Variants in KCNIP4 observed in about 807,000 individuals in gnomAD.
KCNIP4 encodes the protein Kv channel-interacting protein 4.
KCNIP4 carries 12 observed loss-of-function variants against 34.0 expected under a neutral mutation model. The observed-to-expected ratio is 0.35, with a 90% CI of 0.23 to 0.57. KCNIP4 has a LOEUF of 0.57. Ranked by LOEUF, KCNIP4 falls within the 20% of genes least tolerant of loss-of-function variation. The pLI, the probability that KCNIP4 is intolerant of heterozygous loss-of-function variation, is 0.83. For synonymous variants in KCNIP4, 124 were observed against 102.2 expected (o/e 1.21, Z -1.29); for missense variants, 238 against 311.7 (o/e 0.76, Z 1.78).
rs371576499 is a variant in KCNIP4, at chr4:21,613,437, T to A, written c.61+335134A>T. On this transcript the variant is annotated intron_variant, in intron 1 of 8. Coordinates refer to ENST00000382152, the MANE Select transcript of KCNIP4 (RefSeq NM_025221.6). ...CAACAGCCAGCACCAACTGGCCATA[T>A]AAATGAACTACCTTGATCATGAATG... 1.2e-3 allele frequency: 185 copies of A among 152,294 alleles called. 2 individuals carry two copies. The highest frequency in any genetic ancestry group is 4.0e-3 in the African/African-American group (167 of 41,566). 9.4% of individuals were successfully genotyped at this position (152,294 alleles called of 1,614,324 possible).
chr4:21,766,267 T>G (rs1718411264), intron 1 of KCNIP4, among the ~76,000 whole-genome samples: 1 of 152,188 alleles, frequency 6.6e-6, no homozygotes, highest in East Asian at 1.9e-4. Flanking sequence ...GCACTGCACT[T>G]GGCGTATACC....
intron 1 of KCNIP4, among the ~76,000 whole-genome samples, chr4:21,360,671 A>T (rs1719125691): frequency 6.6e-6 from 1 of 152,082 alleles, no homozygotes; most frequent in African/African-American, 2.4e-5. Context: ...TGGAAAAAGA[A>T]GATTGTGTTT....
At chr4:21,478,148 C>T (rs1339117217) in intron 1 of KCNIP4, among the ~76,000 whole-genome samples, 1 of 151,958 alleles carries the variant, frequency 6.6e-6, no homozygotes, top group Non-Finnish European at 1.5e-5. Context: ...ATGTTTTGGA[C>T]TTTTCCTTTC....
chr4:21,439,895 G>T (rs2109700248), intron 1 of KCNIP4, among the ~76,000 whole-genome samples: 1 of 152,310 alleles, frequency 6.6e-6, no homozygotes, highest in East Asian at 1.9e-4. Context: ...GCACCTATCA[G>T]TAGATCTGTT....
intron 1 of KCNIP4, among the ~76,000 whole-genome samples, chr4:21,278,179 C>A (rs1474277409): frequency 6.6e-6 from 1 of 151,902 alleles, no homozygotes; most frequent in African/African-American, 2.4e-5. Context: ...TGGAATGTAA[C>A]CCAAGAAAGA....
At chr4:21,877,296 T>C (rs572069046) in intron 1 of KCNIP4, among the ~76,000 whole-genome samples, 109 of 152,034 alleles carry the variant, frequency 7.2e-4, no homozygotes, top group African/African-American at 2.0e-3. Context: ...GAGGTTGCAG[T>C]GAGCTGAGAT....
At chr4:21,716,553 G>C (rs1242103981) in intron 1 of KCNIP4, among the ~76,000 whole-genome samples, 1 of 152,026 alleles carries the variant, frequency 6.6e-6, no homozygotes, top group Non-Finnish European at 1.5e-5. Flanking sequence ...GTAGTCTTTA[G>C]TTTCTGAGAA....
rs1176582103 is a variant in KCNIP4, at chr4:21,234,388, A to G, written c.62-351679T>C. Among the ~76,000 whole-genome samples, 10 of 129,202 alleles carry G rather than the reference A, an allele frequency of 7.7e-5. 1 individual carries two copies. The highest frequency in any genetic ancestry group is 7.7e-4 in the Admixed American group (9 of 11,638). 84.8% of individuals were successfully genotyped at this position (129,202 alleles called of 152,430 possible). A position where few individuals can be genotyped will look rare whatever the true frequency, so the allele number is the denominator to read the frequency against. On this transcript the variant is annotated intron_variant, in intron 1 of 8. Coordinates refer to ENST00000382152, the MANE Select transcript of KCNIP4 (RefSeq NM_025221.6). ...ATAATATATAACATACATCATACATAACATATATAATATATTATATAACAT... is the reference window on the plus strand; with the variant it reads ...ATAATATATAACATACATCATACATGACATATATAATATATTATATAACAT...
chr4:20,948,855 C>T (rs1165656657), intron 1 of KCNIP4, among the ~76,000 whole-genome samples: 1 of 152,056 alleles, frequency 6.6e-6, no homozygotes, highest in East Asian at 1.9e-4. Context: ...TTACCATATA[C>T]CATGTATACC....
At chr4:20,854,144 C>A (rs1397017711) in intron 2 of KCNIP4, among the ~76,000 whole-genome samples, 1 of 152,150 alleles carries the variant, frequency 6.6e-6, no homozygotes, top group African/African-American at 2.4e-5. Context: ...TACTGAGCAT[C>A]CGCCCAAAGG....
At chr4:21,102,733 T>C (rs534562521) in intron 1 of KCNIP4, among the ~76,000 whole-genome samples, 2 of 152,310 alleles carry the variant, frequency 1.3e-5, no homozygotes, top group South Asian at 4.1e-4. Flanking sequence ...ATACATTTTC[T>C]TTGAGAACAA....
intron 1 of KCNIP4, among the ~76,000 whole-genome samples, chr4:21,707,912 A>T (rs1352110914): frequency 7.2e-6 from 1 of 137,974 alleles, no homozygotes; most frequent in East Asian, 2.0e-4. Flanking sequence ...TTAGGCTGAC[A>T]TTATCCTGAA....
chr4:21,242,027 G>A (rs1388708456), intron 1 of KCNIP4, among the ~76,000 whole-genome samples: 1 of 151,910 alleles, frequency 6.6e-6, no homozygotes, highest in Non-Finnish European at 1.5e-5. Flanking sequence ...AGCCAGGCGT[G>A]GTGGTGGGTG....
At chr4:21,793,723 T>C (rs1026538320) in intron 1 of KCNIP4, among the ~76,000 whole-genome samples, 2 of 152,210 alleles carry the variant, frequency 1.3e-5, no homozygotes, top group Admixed American at 1.3e-4. Flanking sequence ...ATATAAATTG[T>C]CTTCCAGGTC....
intron 3 of KCNIP4, among the ~76,000 whole-genome samples, chr4:20,796,629 C>G (rs1434549745): frequency 6.7e-6 from 1 of 148,902 alleles, no homozygotes; most frequent in Non-Finnish European, 1.5e-5. Context: ...TTACCACTTC[C>G]ATGGCCTAAA....
chr4:20,958,229 T>C (rs933452173), intron 1 of KCNIP4, among the ~76,000 whole-genome samples: 2 of 152,224 alleles, frequency 1.3e-5, no homozygotes, highest in African/African-American at 4.8e-5. Flanking sequence ...GAGGATGCAG[T>C]AGGCAAAGTT....
At chr4:21,496,650 G>A (rs1308091334) in intron 1 of KCNIP4, among the ~76,000 whole-genome samples, 3 of 152,170 alleles carry the variant, frequency 2.0e-5, no homozygotes, top group Non-Finnish European at 4.4e-5. Context: ...CCTTGGGGCT[G>A]TGGACTGGTA....
At chr4:20,945,565 G>C (rs1202184327) in intron 1 of KCNIP4, among the ~76,000 whole-genome samples, 1 of 152,098 alleles carries the variant, frequency 6.6e-6, no homozygotes, top group Non-Finnish European at 1.5e-5. Flanking sequence ...AAACTCACTT[G>C]AATCTTAAAA....
chr4:20,908,543 T>C (rs1728021193), intron 1 of KCNIP4, among the ~76,000 whole-genome samples: 1 of 152,228 alleles, frequency 6.6e-6, no homozygotes, highest in Admixed American at 6.5e-5. Flanking sequence ...GTAAAGCTGG[T>C]TAAAATTCCT....
Sources: allele counts gnomAD v4.1 joint callset (sites outside exome capture counted in the v4.1 genomes callset), GRCh38; gene constraint gnomAD v4.1.1; transcripts MANE v1.5; gene names NCBI Gene and HGNC (gene_info 2026-07-23, HGNC 2026-07-21).